The following MAP4 variants were observed in gnomAD, a reference collection of about 807,000 sequenced individuals.
MAP4 encodes microtubule-associated protein 4.
Under a neutral mutation model 170.2 loss-of-function variants are expected in MAP4, and 76 were observed. That is an observed-to-expected ratio of 0.45 (90% CI 0.37 to 0.54). The LOEUF is 0.54. Ranked by LOEUF, MAP4 falls within the 20% of genes least tolerant of loss-of-function variation. The probability of loss-of-function intolerance (pLI) is 0.00; values close to 1 mark genes in which losing one functional copy is unlikely to be tolerated. For synonymous variants in MAP4, 909 were observed against 994.5 expected (o/e 0.91, Z 1.62); for missense variants, 2,506 against 2,748.0 (o/e 0.91, Z 1.97).
chr3:47,863,413 C>T (rs2071893968), intron 17 of MAP4, among the ~76,000 whole-genome samples: 1 of 152,156 alleles, frequency 6.6e-6, no homozygotes. Context: ...CCCCACACCA[C>T]CCTGCCTCCA....
chr3:47,858,586 G>GGTGTGT (rs59208724), intron 17 of MAP4, among the ~76,000 whole-genome samples: 4,181 of 145,228 alleles, frequency 0.029, 82 homozygotes, highest in South Asian at 0.077. Flanking sequence ...GTGAGGGGGT[G>GGTGTGT]GTGTGTGTGT....
chr3:47,996,191 A>G (rs951176152), intron 2 of MAP4, among the ~76,000 whole-genome samples: 3 of 152,204 alleles, frequency 2.0e-5, no homozygotes, highest in African/African-American at 7.2e-5. Flanking sequence ...CCCAGAGCAC[A>G]CAAGAAGACC....
upstream of MAP4, among the ~76,000 whole-genome samples, chr3:48,018,765 T>G (rs941532516): frequency 6.6e-6 from 1 of 152,076 alleles, no homozygotes; most frequent in African/African-American, 2.4e-5. Context: ...ATCGTGTCAC[T>G]GCACTCCAGC....
chr3:48,025,658 G>T (rs572463610), intron 1 of MAP4, among the ~76,000 whole-genome samples: 1 of 151,888 alleles, frequency 6.6e-6, no homozygotes, highest in African/African-American at 2.4e-5. Context: ...CAGCACTTTG[G>T]GCGGTCAAGG....
chr3:47,988,438 A>G (rs1400008204), intron 2 of MAP4, among the ~76,000 whole-genome samples: 1 of 152,200 alleles, frequency 6.6e-6, no homozygotes, highest in East Asian at 1.9e-4. Context: ...ATAGATGAAC[A>G]TAGGTGAGGA....
rs1308956447 is a variant in MAP4 at position 47,909,883 on chromosome 3, G to T, written c.4538C>A (p.Thr1513Lys). 1 of 1,613,920 alleles carries T rather than the reference G, an allele frequency of 6.2e-7. No homozygotes were observed. Among genetic ancestry groups the T allele is most frequent in the Non-Finnish European group, 8.5e-7 (1 of 1,179,898 alleles). ...TSTGGVALPI[T>K]TAIETVNIHG... The stretch of plus-strand genomic sequence containing the variant: ...AATGTTAACTGTTTCTATGGCTGTT[G>T]TAATAGGTAGAGCAACTCCTCCTGT... The change falls in exon 9 of 21, where the codon ACA (threonine) becomes AAA (lysine). Residue 1513 changes from threonine to lysine, a missense_variant. Around this residue, in one of 3 missense-constraint regions of MAP4, gnomAD observed 2,008 missense variants for 2,206.0 expected, o/e 0.91. Transcript: ENST00000683076.
intron 12 of MAP4, among the ~76,000 whole-genome samples, chr3:47,872,376 G>C (rs985740506): frequency 6.6e-5 from 10 of 152,056 alleles, no homozygotes. Flanking sequence ...GTAGAGACAG[G>C]GTTTCACCGT....
intron 12 of MAP4, among the ~76,000 whole-genome samples, chr3:47,874,462 CCA>C (rs2094561191): frequency 6.6e-6 from 1 of 151,866 alleles, no homozygotes; most frequent in African/African-American, 2.4e-5. Flanking sequence ...GAGCGAGGCT[CCA>C]TCTCAAAAAA....
chr3:47,872,340 C>T (rs966826548), intron 12 of MAP4, among the ~76,000 whole-genome samples: 11 of 152,142 alleles, frequency 7.2e-5, no homozygotes, highest in Admixed American at 2.0e-4. Flanking sequence ...CGTGCCACCA[C>T]GCCCAGCTAA....
chr3:48,024,311 A>T (rs2154490602), intron 1 of MAP4, among the ~76,000 whole-genome samples: 1 of 152,100 alleles, frequency 6.6e-6, no homozygotes, highest in East Asian at 1.9e-4. Flanking sequence ...CTCTGTCTTT[A>T]AAAAAAATAA....
intron 1 of MAP4, among the ~76,000 whole-genome samples, chr3:48,069,663 T>C (rs1435078101): frequency 6.6e-6 from 1 of 152,194 alleles, no homozygotes; most frequent in Non-Finnish European, 1.5e-5. Flanking sequence ...CAGAATATCT[T>C]TCAAACATTT....
intron 3 of MAP4, among the ~76,000 whole-genome samples, chr3:47,977,102 A>G (rs1451970701): frequency 1.3e-5 from 2 of 152,248 alleles, no homozygotes; most frequent in Admixed American, 1.3e-4. Context: ...GGGATTGATC[A>G]TTAGAAGTCA....
At chr3:47,888,054 G>A (rs1490100778) in intron 10 of MAP4, among the ~76,000 whole-genome samples, 1 of 152,150 alleles carries the variant, frequency 6.6e-6, no homozygotes, top group Non-Finnish European at 1.5e-5. Flanking sequence ...TGCACCAATC[G>A]ACACTCTGTA....
At chr3:47,990,375 G>A (rs963531883) in intron 2 of MAP4, among the ~76,000 whole-genome samples, 4 of 152,152 alleles carry the variant, frequency 2.6e-5, no homozygotes, top group Non-Finnish European at 4.4e-5. Context: ...GGAAGTCAAG[G>A]CAGGAGGATC....
intron 2 of MAP4, among the ~76,000 whole-genome samples, chr3:47,995,793 A>C (rs1487350528): frequency 1.3e-5 from 2 of 152,200 alleles, no homozygotes; most frequent in Non-Finnish European, 2.9e-5. Context: ...AATCCAAAGA[A>C]AAACAAGCCC....
intron 3 of MAP4, chr3:47,974,880 T>G (rs1178080680): frequency 1.0e-6 from 1 of 971,118 alleles, no homozygotes; most frequent in Non-Finnish European, 1.2e-6. Context: ...CTATCATTAT[T>G]TAGATTTTAG....
chr3:48,007,863 G>T (rs957172892), intron 1 of MAP4, among the ~76,000 whole-genome samples: 6 of 152,074 alleles, frequency 3.9e-5, no homozygotes, highest in Non-Finnish European at 8.8e-5. Context: ...AGTAAAGATG[G>T]GGTTTCACCA....
chr3:47,892,400 G>T, intron 10 of MAP4: 1 of 1,536,148 alleles, frequency 6.5e-7, no homozygotes. Flanking sequence ...GATTTCTTTT[G>T]GGGAGTCCAT....
At chr3:47,934,471 A>G (rs1444787529) in intron 3 of MAP4, among the ~76,000 whole-genome samples, 1 of 151,892 alleles carries the variant, frequency 6.6e-6, no homozygotes, top group Non-Finnish European at 1.5e-5. Flanking sequence ...TCGGCTAATT[A>G]TTGTATTTTT....
Sources: allele counts gnomAD v4.1 joint callset (sites outside exome capture counted in the v4.1 genomes callset), GRCh38; gene constraint gnomAD v4.1.1; regional missense constraint gnomAD v4.1.1; transcripts MANE v1.5; gene names NCBI Gene and HGNC (gene_info 2026-07-23, HGNC 2026-07-21).